Variants in NTM observed in about 807,000 individuals in gnomAD.
The protein encoded by NTM is neurotrimin.
NTM carries 13 observed loss-of-function variants against 42.1 expected under a neutral mutation model. The observed-to-expected ratio is 0.31, with a 90% CI of 0.20 to 0.49. NTM has a LOEUF of 0.49. Ranked by LOEUF, NTM falls within the 20% of genes least tolerant of loss-of-function variation. The probability of loss-of-function intolerance (pLI) is 0.99; values close to 1 mark genes in which losing one functional copy is unlikely to be tolerated. For synonymous variants in NTM, 187 were observed against 179.2 expected (o/e 1.04, Z -0.35); for missense variants, 373 against 452.8 (o/e 0.82, Z 1.60).
intron 2 of NTM, among the ~76,000 whole-genome samples, chr11:131,936,966 TCA>T (rs1189261060): frequency 6.6e-6 from 1 of 151,990 alleles, no homozygotes; most frequent in Non-Finnish European, 1.5e-5. Context: ...TAGCAAAGAG[TCA>T]AGCGCAGTTT....
chr11:131,400,765 G>A (rs1006642878), intron 1 of NTM, among the ~76,000 whole-genome samples: 2 of 152,092 alleles, frequency 1.3e-5, no homozygotes, highest in African/African-American at 4.8e-5. Flanking sequence ...GTATTGATAT[G>A]CTTATGTGGA....
At chr11:132,321,550 G>C (rs188867633) in intron 7 of NTM, among the ~76,000 whole-genome samples, 18 of 152,330 alleles carry the variant, frequency 1.2e-4, no homozygotes, top group Admixed American at 4.6e-4. Flanking sequence ...ATCTACCTCT[G>C]ATTGGTGTAC....
At chr11:132,050,957 T>G (rs11222888) in intron 2 of NTM, among the ~76,000 whole-genome samples, 26,961 of 152,242 alleles carry the variant, frequency 0.18, 2,553 homozygotes, top group South Asian at 0.34. Context: ...AAAGAGGACT[T>G]GATGAAATCT....
rs954614914 is a variant in NTM at position 131,583,984 on chromosome 11, G to A, written c.82+213096G>A. ...GAAGCTCTCTCCTCCTGTCTAACAA[G>A]ATGGGAACTGCTTGCTTTTGAGTCC... On this transcript the variant is annotated intron_variant, in intron 1 of 8. Coordinates refer to ENST00000683400, the MANE Select transcript of NTM (RefSeq NM_001352005.2). Among the ~76,000 whole-genome samples, 5 of 152,188 alleles carry A rather than the reference G, an allele frequency of 3.3e-5. No homozygotes were observed. The East Asian group carries it at 9.7e-4, about 29-fold the overall frequency.
At chr11:131,651,220 C>A (rs112344262) in intron 1 of NTM, among the ~76,000 whole-genome samples, 9 of 152,156 alleles carry the variant, frequency 5.9e-5, no homozygotes, top group African/African-American at 1.9e-4. Context: ...GTGGTTATTG[C>A]AGAATTAATC....
intron 1 of NTM, among the ~76,000 whole-genome samples, chr11:131,659,984 G>T (rs1490928788): frequency 6.6e-6 from 1 of 152,224 alleles, no homozygotes; most frequent in African/African-American, 2.4e-5. Flanking sequence ...ATGTGAGCAC[G>T]TGAAGGATCC....
At chr11:132,162,085 G>C (rs1386382744) in intron 3 of NTM, among the ~76,000 whole-genome samples, 2 of 152,166 alleles carry the variant, frequency 1.3e-5, no homozygotes, top group African/African-American at 4.8e-5. Flanking sequence ...TGTAAAGTGC[G>C]TGGGTCTGGG....
At chr11:131,646,365 C>T (rs1426429156) in intron 1 of NTM, among the ~76,000 whole-genome samples, 1 of 152,158 alleles carries the variant, frequency 6.6e-6, no homozygotes, top group African/African-American at 2.4e-5. Flanking sequence ...AAAAGTGGAT[C>T]CTTTCTTCTA....
At chr11:132,154,298 G>T (rs2072669529) in intron 3 of NTM, among the ~76,000 whole-genome samples, 2 of 152,140 alleles carry the variant, frequency 1.3e-5, no homozygotes, top group Non-Finnish European at 2.9e-5. Context: ...CAGTGGAAAA[G>T]AACATGACAA....
At chr11:131,399,980 T>C (rs933919501) in intron 1 of NTM, among the ~76,000 whole-genome samples, 2 of 152,218 alleles carry the variant, frequency 1.3e-5, no homozygotes, top group Non-Finnish European at 1.5e-5. Context: ...TATTTTGATG[T>C]ATGAAAATAT....
chr11:131,593,275 G>A (rs2059541110), intron 1 of NTM, among the ~76,000 whole-genome samples: 1 of 152,154 alleles, frequency 6.6e-6, no homozygotes, highest in African/African-American at 2.4e-5. Context: ...TTTTGCTTCA[G>A]GATGTCTGGA....
chr11:131,815,607 G>T (rs963265728), intron 1 of NTM, among the ~76,000 whole-genome samples: 4 of 152,118 alleles, frequency 2.6e-5, no homozygotes, highest in Non-Finnish European at 5.9e-5. Flanking sequence ...AGGAAAGGGG[G>T]TGGCTTACCC....
At chr11:132,085,492 T>C (rs373913499) in intron 2 of NTM, among the ~76,000 whole-genome samples, 1 of 152,264 alleles carries the variant, frequency 6.6e-6, no homozygotes, top group Non-Finnish European at 1.5e-5. Flanking sequence ...AAACCTAGTA[T>C]CTGACCCGTA....
chr11:131,413,282 A>T (rs1188524523), intron 1 of NTM, among the ~76,000 whole-genome samples: 1 of 152,230 alleles, frequency 6.6e-6, no homozygotes, highest in Non-Finnish European at 1.5e-5. Context: ...TTATGTATTG[A>T]AAGCAATTCC....
At chr11:132,262,519 G>T (rs2092923720) in intron 4 of NTM, among the ~76,000 whole-genome samples, 1 of 152,154 alleles carries the variant, frequency 6.6e-6, no homozygotes, top group Non-Finnish European at 1.5e-5. Flanking sequence ...CTTGTAAGTT[G>T]TTGCCTTCTT....
chr11:131,794,184 T>G (rs1040470717), intron 1 of NTM, among the ~76,000 whole-genome samples: 1 of 152,162 alleles, frequency 6.6e-6, no homozygotes, highest in Non-Finnish European at 1.5e-5. Context: ...ACACCACCTC[T>G]GTGTGCAGGG....
At chr11:131,837,828 C>T (rs1401235584) in intron 1 of NTM, among the ~76,000 whole-genome samples, 1 of 152,152 alleles carries the variant, frequency 6.6e-6, no homozygotes, top group Non-Finnish European at 1.5e-5. Flanking sequence ...TGGCGACGTG[C>T]CCTGACGTGG....
intron 1 of NTM, among the ~76,000 whole-genome samples, chr11:131,820,811 T>A (rs2093154697): frequency 6.6e-6 from 1 of 152,218 alleles, no homozygotes; most frequent in African/African-American, 2.4e-5. Context: ...CTGTGATCAA[T>A]CACAATGTTG....
At chr11:131,901,549 C>T (rs1336293349) in intron 1 of NTM, among the ~76,000 whole-genome samples, 1 of 151,906 alleles carries the variant, frequency 6.6e-6, no homozygotes, top group East Asian at 1.9e-4. Flanking sequence ...TTTGATTTGT[C>T]CTAGCAACTG....
Sources: gnomAD v4.1 joint callset for allele counts (sites outside exome capture counted in the v4.1 genomes callset) on GRCh38, gnomAD v4.1.1 for gene constraint, MANE v1.5 for transcripts, NCBI Gene and HGNC (gene_info 2026-07-23, HGNC 2026-07-21) for gene names.